Variants in RANBP10 observed in about 807,000 individuals in gnomAD.
RANBP10 encodes the protein RAN binding protein 10.
A neutral mutation model predicts 72.8 loss-of-function variants in RANBP10; 24 were observed. That is an observed-to-expected ratio of 0.33 (90% CI 0.24 to 0.46). The LOEUF is 0.46. Ranked by LOEUF, RANBP10 falls within the 20% of genes least tolerant of loss-of-function variation. The probability of loss-of-function intolerance (pLI) is 1.00; values close to 1 mark genes in which losing one functional copy is unlikely to be tolerated. For missense variants in RANBP10, 679 were observed against 817.5 expected (o/e 0.83, Z 2.07); for synonymous variants, 310 against 322.3 (o/e 0.96, Z 0.41).
chr16:67,774,491 A>G (rs2054661467), intron 2 of RANBP10, among the ~76,000 whole-genome samples: 1 of 152,132 alleles, frequency 6.6e-6, no homozygotes, highest in African/African-American at 2.4e-5. Context: ...ACACCTTCCT[A>G]CAGACTCTGC....
At chr16:67,733,944 G>A (rs928544359) in intron 6 of RANBP10, among the ~76,000 whole-genome samples, 5 of 152,214 alleles carry the variant, frequency 3.3e-5, no homozygotes, top group Non-Finnish European at 5.9e-5. Flanking sequence ...TGCTCTGGGA[G>A]TGGCGCTGTC....
intron 3 of RANBP10, among the ~76,000 whole-genome samples, chr16:67,753,865 T>G (rs760415600): frequency 2.0e-5 from 3 of 152,040 alleles, no homozygotes; most frequent in Non-Finnish European, 4.4e-5. Context: ...CTGGTCGCGG[T>G]GGCTCATGCC....
intron 3 of RANBP10, among the ~76,000 whole-genome samples, chr16:67,749,344 C>T (rs1238143988): frequency 6.6e-6 from 1 of 152,206 alleles, no homozygotes. Context: ...GCACCCACAG[C>T]GGGAAACAGG....
intron 3 of RANBP10, among the ~76,000 whole-genome samples, chr16:67,761,875 A>T (rs1320832633): frequency 6.6e-6 from 1 of 152,162 alleles, no homozygotes; most frequent in South Asian, 2.1e-4. Flanking sequence ...CCGGACATAC[A>T]TAAACATTTA....
chr16:67,769,149 A>G (rs2054559336), intron 3 of RANBP10, among the ~76,000 whole-genome samples: 1 of 152,112 alleles, frequency 6.6e-6, no homozygotes, highest in Non-Finnish European at 1.5e-5. Context: ...ATTGGTACCT[A>G]AAGAGTCCCC....
intron 2 of RANBP10, among the ~76,000 whole-genome samples, chr16:67,776,264 C>T (rs73591974): frequency 0.054 from 8,089 of 150,808 alleles, 634 homozygotes; most frequent in African/African-American, 0.17. Flanking sequence ...GGTTCAAGAC[C>T]AGCCTGACCA....
chr16:67,801,745 AGGAGTT>A (rs2055237484), intron 2 of RANBP10, among the ~76,000 whole-genome samples: 1 of 152,094 alleles, frequency 6.6e-6, no homozygotes, highest in African/African-American at 2.4e-5. Context: ...ACTTGAGGCT[AGGAGTT>A]GGAGACCAGC....
rs764240357 is a variant in RANBP10 at position 67,728,448 on chromosome 16, T to A, written c.1416A>T (p.Thr472=). ...YPNGVLGSMS[T]RIVNGAYKHE... ...GCTTGTAGGCACCATTAACAATGCGTGTGGACATGCTTCCTAGCACACCGT... is the reference window on the plus strand; with the variant it reads ...GCTTGTAGGCACCATTAACAATGCGAGTGGACATGCTTCCTAGCACACCGT... The change falls in exon 11 of 14, where the codon ACA becomes ACT. Residue 472 remains threonine (T), a synonymous_variant. Transcript: ENST00000317506. 5.3e-5 allele frequency: 85 copies of A among 1,614,052 alleles called. No individual in the cohort carries two copies. The Admixed American group carries it at 1.3e-3, about 26-fold the overall frequency.
At chr16:67,740,588 C>T (rs548150676) in intron 4 of RANBP10, among the ~76,000 whole-genome samples, 6 of 152,180 alleles carry the variant, frequency 3.9e-5, no homozygotes, top group East Asian at 1.9e-4. Flanking sequence ...GAAACCTGGC[C>T]GGAATCATGC....
chr16:67,749,904 C>A (rs2054162484), intron 3 of RANBP10, among the ~76,000 whole-genome samples: 1 of 152,156 alleles, frequency 6.6e-6, no homozygotes, highest in Non-Finnish European at 1.5e-5. Context: ...CCCAGGCATG[C>A]CCACCAGCTT....
intron 5 of RANBP10, among the ~76,000 whole-genome samples, chr16:67,735,402 T>C (rs1207940721): frequency 1.3e-5 from 2 of 152,006 alleles, no homozygotes; most frequent in Non-Finnish European, 2.9e-5. Context: ...GCTGCAATAG[T>C]GGGTCATGGC....
In RANBP10 at chr16:67,729,602, C is replaced by A; in HGVS notation, c.1147+78G>T. 1 of 1,553,176 alleles carries A rather than the reference C, an allele frequency of 6.4e-7. No individual in the cohort carries two copies. On this transcript the variant is annotated intron_variant, in intron 9 of 13. Coordinates refer to ENST00000317506, the MANE Select transcript of RANBP10 (RefSeq NM_020850.3). The surrounding 1 kb of genome is among the most constrained non-coding windows in gnomAD (Gnocchi z 7.1). ...CAAATCCAGCAGTGAGCCCTGAGCC[C>A]AGCCCAGGAAAGGGTATGTGGAGTG... is the stretch of plus-strand genomic sequence containing the variant.
chr16:67,775,426 T>C, intron 2 of RANBP10, among the ~76,000 whole-genome samples: 1 of 151,548 alleles, frequency 6.6e-6, no homozygotes, highest in Non-Finnish European at 1.5e-5. Flanking sequence ...GTATTGGGAG[T>C]TCTAGATGAT....
At chr16:67,779,477 A>G (rs1394537433) in intron 2 of RANBP10, among the ~76,000 whole-genome samples, 3 of 152,016 alleles carry the variant, frequency 2.0e-5, no homozygotes, top group African/African-American at 4.8e-5. Context: ...ATAAATAAGG[A>G]AAGGGCATAA....
Position 67,744,552 on chromosome 16 carries a change from C to A in RANBP10, c.401-97G>T, listed in dbSNP as rs936413037. ...CCCAGGTCTCTCAGCCTCTCCTCAGCCTGCCCCACCTCTGTCAGCACTCTT... is the reference window on the plus strand; with the variant it reads ...CCCAGGTCTCTCAGCCTCTCCTCAGACTGCCCCACCTCTGTCAGCACTCTT... On this transcript the variant is annotated intron_variant, in intron 3 of 13. Coordinates refer to ENST00000317506, the MANE Select transcript of RANBP10 (RefSeq NM_020850.3). The A allele has an allele frequency of 2.3e-5, 30 of 1,285,440 alleles. 1 individual carries two copies. The African/African-American group carries it at 4.3e-4, about 18-fold the overall frequency. The allele number at this position is 1,285,440 out of a possible 1,614,324, so 79.6% of individuals were successfully genotyped here.
At chr16:67,766,523 G>C (rs941188070) in intron 3 of RANBP10, among the ~76,000 whole-genome samples, 26 of 152,052 alleles carry the variant, frequency 1.7e-4, no homozygotes, top group African/African-American at 6.3e-4. Flanking sequence ...CATGAGATCT[G>C]GTTGTTTGAA....
intron 2 of RANBP10, among the ~76,000 whole-genome samples, chr16:67,804,319 GA>G (rs978424522): frequency 1.3e-5 from 2 of 151,536 alleles, no homozygotes; most frequent in African/African-American, 2.4e-5. Context: ...CTGGGAGAAA[GA>G]AAAAAAATTA....
intron 2 of RANBP10, among the ~76,000 whole-genome samples, chr16:67,775,086 T>C (rs953309619): frequency 6.6e-6 from 1 of 151,418 alleles, no homozygotes; most frequent in Non-Finnish European, 1.5e-5. Flanking sequence ...CTGAGGCGGG[T>C]GGATCACTTG....
chr16:67,755,384 G>A (rs969882198), intron 3 of RANBP10, among the ~76,000 whole-genome samples: 2 of 152,120 alleles, frequency 1.3e-5, no homozygotes, highest in South Asian at 2.1e-4. Flanking sequence ...GGATGTGAGG[G>A]CCAGAAAAGA....
Sources: allele counts gnomAD v4.1 joint callset (sites outside exome capture counted in the v4.1 genomes callset), GRCh38; gene constraint gnomAD v4.1.1; non-coding constraint Gnocchi (gnomAD v3.1); transcripts MANE v1.5; gene names NCBI Gene and HGNC (gene_info 2026-07-23, HGNC 2026-07-21).